The following SMAP1 variants were observed in gnomAD, a reference collection of about 807,000 sequenced individuals.
The protein encoded by SMAP1 is stromal membrane-associated protein 1.
A neutral mutation model predicts 58.5 loss-of-function variants in SMAP1; 24 were observed. The observed-to-expected ratio is 0.41, with a 90% CI of 0.30 to 0.58. The LOEUF (loss-of-function observed/expected upper bound fraction) is 0.58. SMAP1 is among the 20% of genes least tolerant of loss of function. The pLI is 0.29. For synonymous variants in SMAP1, 216 were observed against 196.6 expected (o/e 1.10, Z -0.82); for missense variants, 563 against 566.3 (o/e 0.99, Z 0.06).
intron 1 of SMAP1, among the ~76,000 whole-genome samples, chr6:70,681,666 A>G (rs1203876962): frequency 6.6e-6 from 1 of 152,126 alleles, no homozygotes; most frequent in Admixed American, 6.5e-5. Context: ...TGCCTTTTGT[A>G]TGTGTGTGTG....
At chr6:70,850,502 A>T (rs1166627643) in intron 7 of SMAP1, among the ~76,000 whole-genome samples, 1 of 151,634 alleles carries the variant, frequency 6.6e-6, no homozygotes, top group Non-Finnish European at 1.5e-5. Context: ...ATGTGCTTCT[A>T]TTTGAGTTTA....
chr6:70,677,179 A>G (rs78016948), intron 1 of SMAP1, among the ~76,000 whole-genome samples: 1 of 147,534 alleles, frequency 6.8e-6, no homozygotes, highest in Admixed American at 6.7e-5. Context: ...ATATATATAT[A>G]ATTTTTTTTT....
chr6:70,769,152 A>G (rs1313980783), intron 3 of SMAP1, among the ~76,000 whole-genome samples: 1 of 152,146 alleles, frequency 6.6e-6, no homozygotes, highest in East Asian at 1.9e-4. Flanking sequence ...ACATTTGCTG[A>G]GGAGAGCTTT....
intron 6 of SMAP1, among the ~76,000 whole-genome samples, chr6:70,818,684 G>A (rs1442728400): frequency 6.6e-6 from 1 of 151,998 alleles, no homozygotes; most frequent in African/African-American, 2.4e-5. Flanking sequence ...CTAAATTTGT[G>A]GTAATGGAAG....
chr6:70,770,891 T>G (rs1767264548), intron 3 of SMAP1, among the ~76,000 whole-genome samples: 1 of 152,198 alleles, frequency 6.6e-6, no homozygotes, highest in Non-Finnish European at 1.5e-5. Flanking sequence ...TATCTACTTT[T>G]GGTCTTTGAT....
Position 70,682,578 on chromosome 6 carries a change from T to C in SMAP1, c.118+14437T>C, listed in dbSNP as rs573687498. Among the ~76,000 whole-genome samples, 552 of 152,350 alleles carry C rather than the reference T, an allele frequency of 3.6e-3. 2 individuals carry two copies. Among genetic ancestry groups the C allele is most frequent in the African/African-American group, 0.013 (529 of 41,584 alleles). On this transcript the variant is annotated intron_variant, in intron 1 of 10. Coordinates refer to ENST00000370455, the MANE Select transcript of SMAP1 (RefSeq NM_001044305.3). The stretch of plus-strand genomic sequence containing the variant: ...TCCCTCTCCACTGATTGGTATGTTT[T>C]CTAACTTTTGTGGTTACATATACTG...
chr6:70,671,385 C>T (rs894617884), intron 1 of SMAP1, among the ~76,000 whole-genome samples: 3 of 152,100 alleles, frequency 2.0e-5, no homozygotes, highest in Admixed American at 6.5e-5. Context: ...GCCTGGCCAA[C>T]ATAGTGAAAC....
chr6:70,813,288 A>G (rs1230322525), intron 6 of SMAP1, among the ~76,000 whole-genome samples: 1 of 152,162 alleles, frequency 6.6e-6, no homozygotes, highest in African/African-American at 2.4e-5. Flanking sequence ...AGTAAAGATT[A>G]CCTACCAGTT....
At chr6:70,857,780 G>A in intron 9 of SMAP1, 142 bp from the exon 10 acceptor site, 1 of 765,962 alleles carries the variant, frequency 1.3e-6, no homozygotes, top group Non-Finnish European at 2.1e-6. Flanking sequence ...GGTGTGGGTT[G>A]GTCTGAGTAG....
chr6:70,783,420 T>TC (rs1224864722), intron 4 of SMAP1, among the ~76,000 whole-genome samples: 2 of 152,144 alleles, frequency 1.3e-5, no homozygotes, highest in African/African-American at 4.8e-5. Context: ...GGAACGCAGT[T>TC]CCTCACCAGC....
At chr6:70,815,878 A>G (rs1353892324) in intron 6 of SMAP1, among the ~76,000 whole-genome samples, 3 of 152,170 alleles carry the variant, frequency 2.0e-5, no homozygotes, top group East Asian at 1.9e-4. Flanking sequence ...GATTGAATGT[A>G]GCAACTCTTA....
chr6:70,751,669 A>G (rs535757922), intron 2 of SMAP1, among the ~76,000 whole-genome samples: 1 of 152,216 alleles, frequency 6.6e-6, no homozygotes, highest in East Asian at 1.9e-4. Flanking sequence ...ATTTTTAGTG[A>G]TTTATTTGAT....
chr6:70,693,618 A>AGGGATTGCGTTGAATCTG (rs901457970), intron 1 of SMAP1, among the ~76,000 whole-genome samples: 19 of 152,190 alleles, frequency 1.2e-4, no homozygotes, highest in Admixed American at 1.2e-3. Flanking sequence ...GTATTTTAAT[A>AGGGATTGCGTTGAATCTG]GGGATTGCGT....
At chr6:70,787,380 T>C (rs1026277125) in intron 4 of SMAP1, among the ~76,000 whole-genome samples, 2 of 152,170 alleles carry the variant, frequency 1.3e-5, no homozygotes, top group African/African-American at 2.4e-5. Flanking sequence ...ATTCAGGACA[T>C]AGGCATGGGC....
intron 4 of SMAP1, among the ~76,000 whole-genome samples, chr6:70,783,053 A>G (rs976369449): frequency 2.0e-5 from 3 of 152,134 alleles, no homozygotes; most frequent in African/African-American, 7.2e-5. Flanking sequence ...GCAGACTGAC[A>G]CCTCACACGA....
At chr6:70,778,225 G>C (rs1369298412) in intron 4 of SMAP1, among the ~76,000 whole-genome samples, 1 of 152,068 alleles carries the variant, frequency 6.6e-6, no homozygotes, top group African/African-American at 2.4e-5. Context: ...AAACACAAAG[G>C]ATATTATGTT....
At chr6:70,674,864 A>G (rs1285871486) in intron 1 of SMAP1, among the ~76,000 whole-genome samples, 1 of 152,150 alleles carries the variant, frequency 6.6e-6, no homozygotes, top group Non-Finnish European at 1.5e-5. Flanking sequence ...AGTCCCAGCT[A>G]CTCGGGAGAC....
chr6:70,811,621 T>G (rs1769392215), intron 6 of SMAP1, among the ~76,000 whole-genome samples: 1 of 152,096 alleles, frequency 6.6e-6, no homozygotes, highest in Non-Finnish European at 1.5e-5. Flanking sequence ...TTCAAGTCCC[T>G]TATTTAAAAT....
chr6:70,678,742 C>T (rs1262704008), intron 1 of SMAP1, among the ~76,000 whole-genome samples: 1 of 152,176 alleles, frequency 6.6e-6, no homozygotes, highest in African/African-American at 2.4e-5. Flanking sequence ...AGGCCACCTG[C>T]ATTCCTTGGC....
Sources: gnomAD v4.1 joint callset for allele counts (sites outside exome capture counted in the v4.1 genomes callset) on GRCh38, gnomAD v4.1.1 for gene constraint, MANE v1.5 for transcripts, NCBI Gene and HGNC (gene_info 2026-07-23, HGNC 2026-07-21) for gene names.